LRRC40: variants seen among roughly 807,000 people sequenced by gnomAD.
LRRC40 encodes the protein leucine rich repeat containing 40.
LRRC40 carries 76 observed loss-of-function variants against 72.8 expected under a neutral mutation model. That is an observed-to-expected ratio of 1.04 (90% CI 0.87 to 1.26). LRRC40 has a LOEUF of 1.26. Among genes scored for constraint, LRRC40 ranks in the 50% most tolerant of loss-of-function variants. LRRC40 has a pLI of 0.00. For synonymous variants in LRRC40, 243 were observed against 254.2 expected, an observed-to-expected ratio of 0.96 and a Z score of 0.42; for missense variants, 684 against 698.9, an observed-to-expected ratio of 0.98 and a Z score of 0.24.
chr1:70,200,609 A>G (rs1435481902), intron 1 of LRRC40, among the ~76,000 whole-genome samples: 2 of 152,238 alleles, frequency 1.3e-5, no homozygotes, highest in Non-Finnish European at 1.5e-5. Context: ...AGCTTATGTT[A>G]AACACTTATG....
intron 10 of LRRC40, among the ~76,000 whole-genome samples, chr1:70,158,154 G>C (rs1667682524): frequency 8.2e-6 from 1 of 121,760 alleles, no homozygotes; most frequent in African/African-American, 3.2e-5. Flanking sequence ...CTGTAAGAAA[G>C]AGTCAAATGT....
intron 1 of LRRC40, among the ~76,000 whole-genome samples, chr1:70,204,134 T>C (rs911527685): frequency 6.6e-6 from 1 of 152,234 alleles, no homozygotes; most frequent in Non-Finnish European, 1.5e-5. Context: ...CACCTGAGTC[T>C]AGTCAATAAG....
At chr1:70,183,062 C>T (rs1349405289) in intron 4 of LRRC40, among the ~76,000 whole-genome samples, 1 of 152,054 alleles carries the variant, frequency 6.6e-6, no homozygotes, top group East Asian at 1.9e-4. Context: ...CTACCTATGC[C>T]TTTTACTTAT....
At chr1:70,179,164 T>C in intron 5 of LRRC40, among the ~76,000 whole-genome samples, 171 bp from the exon 6 acceptor site, 1 of 152,190 alleles carries the variant, frequency 6.6e-6, no homozygotes, top group East Asian at 1.9e-4. Flanking sequence ...TTTTTCTACA[T>C]TTAATTATAA....
At chr1:70,194,551 A>T (rs1379344077) in intron 1 of LRRC40, among the ~76,000 whole-genome samples, 1 of 152,062 alleles carries the variant, frequency 6.6e-6, no homozygotes, top group Non-Finnish European at 1.5e-5. Context: ...AATCCCAGAA[A>T]GCTTTTCTGT....
intron 7 of LRRC40, 30 bp from the exon 8 acceptor site, chr1:70,173,739 A>C: frequency 9.0e-7 from 1 of 1,115,138 alleles, no homozygotes; most frequent in Non-Finnish European, 1.3e-6. Context: ...TTTCAGGGAA[A>C]GCATCAAATA....
At chr1:70,160,603 A>C (rs751381434) in intron 9 of LRRC40, among the ~76,000 whole-genome samples, 3 of 152,170 alleles carry the variant, frequency 2.0e-5, no homozygotes, top group African/African-American at 4.8e-5. Context: ...TTAAACCAGC[A>C]ACAAAATCCA....
chr1:70,200,173 T>C (rs1487917243), intron 1 of LRRC40, among the ~76,000 whole-genome samples: 1 of 152,144 alleles, frequency 6.6e-6, no homozygotes, highest in African/African-American at 2.4e-5. Flanking sequence ...AATGTAGAAA[T>C]ATCAGGAATG....
chr1:70,189,043 T>C, intron 2 of LRRC40, 49 bp downstream of exon 2: 1 of 1,520,506 alleles, frequency 6.6e-7, no homozygotes, highest in Non-Finnish European at 8.9e-7. Context: ...TAAATTTAGC[T>C]TTAGAGTCTC....
Position 70,159,384 on chromosome 1 carries a change from C to G in LRRC40, c.1166G>C (p.Ser389Thr). 1.3e-6 allele frequency: 2 copies of G among 1,597,760 alleles called. No homozygotes were observed. The highest frequency in any genetic ancestry group is 2.3e-5 in the South Asian group (2 of 88,510). Residue 389 changes from serine to threonine, a missense_variant, in exon 10 of 15, where the codon AGT becomes ACT. By Grantham distance (58) the Ser-to-Thr change is moderately conservative. Coordinates refer to ENST00000370952, the MANE Select transcript of LRRC40 (RefSeq NM_017768.5). The part of the protein sequence containing the change: ...SATETAMTLP[S>T]ESRVNIHAII... ...GGCATGTATATTGACTCTGGATTCA[C>G]TTGGTAGTGTCATGGCAGTCTCAGT...
chr1:70,176,265 G>T (rs1160627430), intron 6 of LRRC40, among the ~76,000 whole-genome samples: 1 of 152,146 alleles, frequency 6.6e-6, no homozygotes, highest in Non-Finnish European at 1.5e-5. Flanking sequence ...GGGTGCAGTG[G>T]CTCACGCCTG....
rs893724658 is a variant in LRRC40 at position 70,145,167 on chromosome 1, G to A, written c.*633C>T. The A allele has an allele frequency of 6.6e-6, 1 of 152,102 alleles. No homozygotes were observed. The highest frequency in any genetic ancestry group is 1.5e-5 in the Non-Finnish European group (1 of 68,000). 9.4% of individuals were successfully genotyped at this position (152,102 alleles called of 1,614,324 possible). A position where few individuals can be genotyped will look rare whatever the true frequency, so the allele number is the denominator to read the frequency against. ...AAGGTTTTAAGTTGAAATGTGTACT[G>A]AGATTAGCCATATCACAAAAGTCCT... On this transcript the variant is annotated 3_prime_UTR_variant, in exon 15 of 15. Transcript: ENST00000370952.
intron 2 of LRRC40, among the ~76,000 whole-genome samples, 156 bp from the exon 3 acceptor site, chr1:70,187,494 T>C (rs1668386927): frequency 6.6e-6 from 1 of 152,088 alleles, no homozygotes. Context: ...GTTCTGTATG[T>C]AGAACAGTTT....
intron 1 of LRRC40, among the ~76,000 whole-genome samples, chr1:70,205,054 C>T (rs1018740178): frequency 1.3e-5 from 2 of 152,076 alleles, no homozygotes; most frequent in East Asian, 3.9e-4. Context: ...AAATAAGGGC[C>T]AAAGAAACAA....
chr1:70,183,929 A>G (rs1472120109), intron 4 of LRRC40, among the ~76,000 whole-genome samples: 1 of 152,164 alleles, frequency 6.6e-6, no homozygotes, highest in East Asian at 1.9e-4. Context: ...ATGCTCAAAG[A>G]TAAATGTCTA....
intron 7 of LRRC40, among the ~76,000 whole-genome samples, chr1:70,175,091 T>C (rs1323527565): frequency 6.6e-6 from 1 of 151,312 alleles, no homozygotes; most frequent in Non-Finnish European, 1.5e-5. Context: ...TCAAATACTA[T>C]TAGGCAAAAA....
At position 70,144,850 on chromosome 1, in the gene LRRC40, ATCT is replaced by A. The variant is rs1383919400; in HGVS notation, c.*947_*949del. On this transcript the variant is annotated 3_prime_UTR_variant, in exon 15 of 15. Coordinates refer to ENST00000370952, the MANE Select transcript of LRRC40 (RefSeq NM_017768.5). ...CTTTTATTCTGAACATGTAGTATTT[ATCT>A]TTATTAGCAATTTTTTTCATAATAT... 1 of 152,160 alleles carries A rather than the reference ATCT, an allele frequency of 6.6e-6. No individual in the cohort carries two copies. The highest frequency in any genetic ancestry group is 1.5e-5 in the Non-Finnish European group (1 of 68,024). The allele number at this position is 152,160 out of a possible 1,614,324, so 9.4% of individuals were successfully genotyped here.
chr1:70,147,007 C>T (rs1667320370), intron 14 of LRRC40: 1 of 152,088 alleles, frequency 6.6e-6, no homozygotes, highest in Admixed American at 6.6e-5. Context: ...CTTTTAAAGA[C>T]TTATTTTCTT....
At chr1:70,165,858 C>T (rs1194146027) in intron 9 of LRRC40, among the ~76,000 whole-genome samples, 2 of 152,126 alleles carry the variant, frequency 1.3e-5, no homozygotes, top group Non-Finnish European at 2.9e-5. Context: ...AAAAGCTCCA[C>T]AGGTGATTCT....
Sources: gnomAD v4.1 joint callset for allele counts (sites outside exome capture counted in the v4.1 genomes callset) on GRCh38, gnomAD v4.1.1 for gene constraint, MANE v1.5 for transcripts, NCBI Gene and HGNC (gene_info 2026-07-23, HGNC 2026-07-21) for gene names.